The following SNUPN variants were observed in gnomAD, a reference collection of about 807,000 sequenced individuals.
The protein encoded by SNUPN is snurportin 1, also known as snurportin-1.
SNUPN carries 31 observed loss-of-function variants against 39.2 expected under a neutral mutation model. That is an observed-to-expected ratio of 0.79 (90% CI 0.59 to 1.07). The LOEUF (loss-of-function observed/expected upper bound fraction) is 1.07, where lower values mean the gene tolerates loss of function less well. Ranked by LOEUF, SNUPN falls within the 50% of genes least tolerant of loss-of-function variation. The pLI is 0.00. For synonymous variants in SNUPN, 132 were observed against 159.0 expected, an observed-to-expected ratio of 0.83 and a Z score of 1.28; for missense variants, 382 against 434.2, an observed-to-expected ratio of 0.88 and a Z score of 1.07.
intron 7 of SNUPN, among the ~76,000 whole-genome samples, chr15:75,603,209 G>A (rs1460809846): frequency 8.6e-5 from 13 of 150,994 alleles, no homozygotes; most frequent in Non-Finnish European, 1.6e-4. Context: ...CACCACGACC[G>A]GCTAATTTTT....
At chr15:75,598,799 G>A (rs1054769333) in intron 8 of SNUPN, 118 bp from the exon 9 acceptor site, 4 of 698,220 alleles carry the variant, frequency 5.7e-6, no homozygotes, top group Non-Finnish European at 7.0e-6. Flanking sequence ...GTCACTGACA[G>A]AGGAAAGAGT....
intron 3 of SNUPN, 131 bp from the exon 4 acceptor site, chr15:75,610,125 C>T (rs1467545613): frequency 1.3e-5 from 9 of 714,934 alleles, no homozygotes; most frequent in Admixed American, 6.4e-5. Flanking sequence ...GAGCCGGGCA[C>T]GGGGGCTCAT....
intron 8 of SNUPN, 142 bp from the exon 9 acceptor site, chr15:75,598,823 A>T: frequency 1.7e-6 from 1 of 579,200 alleles, no homozygotes. Context: ...AGCTTCTCAC[A>T]CATGCCGTTT....
intron 2 of SNUPN, among the ~76,000 whole-genome samples, chr15:75,618,062 A>C (rs1213609430): frequency 6.6e-6 from 1 of 152,176 alleles, no homozygotes; most frequent in East Asian, 1.9e-4. Context: ...CCCCCTCTGA[A>C]TACACTCAGC....
At chr15:75,615,148 A>G (rs1892890686) in intron 3 of SNUPN, among the ~76,000 whole-genome samples, 1 of 151,990 alleles carries the variant, frequency 6.6e-6, no homozygotes, top group Non-Finnish European at 1.5e-5. Context: ...GGATCTTCCT[A>G]TGCTGTCCAG....
chr15:75,605,124 T>G (rs2075321212), intron 7 of SNUPN, 26 bp downstream of exon 7: 3 of 1,469,184 alleles, frequency 2.0e-6, no homozygotes, highest in Non-Finnish European at 2.8e-6. Context: ...CATAAGGAAC[T>G]CAGTGATCCT....
chr15:75,617,294 T>C (rs2034499710), intron 3 of SNUPN, 114 bp downstream of exon 3: 1 of 1,115,276 alleles, frequency 9.0e-7, no homozygotes, highest in East Asian at 2.4e-5. Context: ...CAGTTCCTAT[T>C]CCTTTTTCCT....
chr15:75,616,359 G>A (rs942814756), intron 3 of SNUPN, among the ~76,000 whole-genome samples: 45 of 151,974 alleles, frequency 3.0e-4, no homozygotes, highest in African/African-American at 1.1e-3. Context: ...TCGGGAGGCT[G>A]AAACAGGAGA....
chr15:75,602,969 G>C (rs942748367), intron 7 of SNUPN, among the ~76,000 whole-genome samples: 6 of 152,026 alleles, frequency 3.9e-5, no homozygotes, highest in African/African-American at 1.2e-4. Context: ...AGGCTGCTCC[G>C]AACTACTGAG....
intron 6 of SNUPN, 90 bp downstream of exon 6, chr15:75,607,126 T>C (rs1281059881): frequency 3.0e-5 from 25 of 843,266 alleles, no homozygotes; most frequent in South Asian, 1.2e-4. Context: ...CACCAAGAAG[T>C]TGGTCACATA....
At chr15:75,620,775 G>T in intron 2 of SNUPN, 119 bp downstream of exon 2, 1 of 867,722 alleles carries the variant, frequency 1.2e-6, no homozygotes, top group Non-Finnish European at 1.8e-6. Flanking sequence ...TGGGCAAGAA[G>T]ATCAGCCTAC....
At chr15:75,614,650 G>A (rs543440386) in intron 3 of SNUPN, among the ~76,000 whole-genome samples, 2 of 152,100 alleles carry the variant, frequency 1.3e-5, no homozygotes, top group African/African-American at 4.8e-5. Context: ...TTCTTTTGGG[G>A]ATAAGGAAAA....
intron 2 of SNUPN, 112 bp from the exon 3 acceptor site, chr15:75,617,664 C>T: frequency 8.3e-7 from 1 of 1,198,962 alleles, no homozygotes; most frequent in Non-Finnish European, 1.1e-6. Context: ...TCACTGCAGC[C>T]TCAACCTCCT....
At chr15:75,612,279 C>T (rs1392250956) in intron 3 of SNUPN, among the ~76,000 whole-genome samples, 1 of 152,066 alleles carries the variant, frequency 6.6e-6, no homozygotes, top group African/African-American at 2.4e-5. Context: ...GTGATCCACC[C>T]ACCTCGGCCT....
intron 3 of SNUPN, among the ~76,000 whole-genome samples, chr15:75,616,547 TC>T (rs1414874129): frequency 2.0e-5 from 3 of 152,020 alleles, no homozygotes; most frequent in Non-Finnish European, 4.4e-5. Flanking sequence ...CACCTTGGCC[TC>T]CCAAATTGCT....
At position 75,617,496 on chromosome 15, in the gene SNUPN, C is replaced by T. The variant is rs200601468; in HGVS notation, c.215G>A (p.Gly72Glu). 5 of 1,614,132 alleles carry T rather than the reference C, an allele frequency of 3.1e-6. No individual in the cohort carries two copies. Among genetic ancestry groups the T allele is most frequent in the Non-Finnish European group, 4.2e-6 (5 of 1,180,018 alleles). The part of the protein sequence containing the change: ...ARRLAEDDWT[G>E]MESEEENKKD... ...CTTATTTTCTTCCTCACTCTCCATC[C>T]CTGTCCAGTCATCTTCAGCCAGTCT... Residue 72 changes from glycine to glutamate, a missense_variant, in exon 3 of 9, where the codon GGG (glycine) becomes GAG (glutamate). Coordinates refer to ENST00000308588, the MANE Select transcript of SNUPN (RefSeq NM_005701.4).
intron 2 of SNUPN, among the ~76,000 whole-genome samples, chr15:75,618,175 G>A (rs2141376411): frequency 6.6e-6 from 1 of 151,904 alleles, no homozygotes. Context: ...TCCCACCCCA[G>A]ATGAGAGCTG....
chr15:75,598,802 GAA>G (rs1482802116), intron 8 of SNUPN, 121 bp from the exon 9 acceptor site: 3 of 679,036 alleles, frequency 4.4e-6, no homozygotes, highest in South Asian at 4.6e-5. Flanking sequence ...ACTGACAGAG[GAA>G]AGAGTCCCAG....
chr15:75,598,620 A>C lies in SNUPN; in HGVS notation c.821T>G (p.Val274Gly), dbSNP rs1210989482. The C allele has an allele frequency of 6.2e-7, 1 of 1,613,258 alleles. No homozygotes were observed. Among genetic ancestry groups the C allele is most frequent in the Non-Finnish European group, 8.5e-7 (1 of 1,179,346 alleles). Reference sequence around the variant, plus strand: ...CACCATGTAGGGGCGCAGCCAGCCCACCAAGGGAGTGCTTCCGGGGCTGTA... The same window carrying C: ...CACCATGTAGGGGCGCAGCCAGCCCCCCAAGGGAGTGCTTCCGGGGCTGTA... Reference protein sequence around the residue: ...THYSPGSTPLVGWLRPYMVSD... With the variant: ...THYSPGSTPLGGWLRPYMVSD... Residue 274 changes from valine (V) to glycine (G), a missense_variant, in exon 9 of 9, where the codon GTG (valine) becomes GGG (glycine). Coordinates refer to ENST00000308588, the MANE Select transcript of SNUPN (RefSeq NM_005701.4).
Sources: allele counts gnomAD v4.1 joint callset (sites outside exome capture counted in the v4.1 genomes callset), GRCh38; gene constraint gnomAD v4.1.1; transcripts MANE v1.5; gene names NCBI Gene and HGNC (gene_info 2026-07-23, HGNC 2026-07-21).